The following ROBO2 variants were observed in gnomAD, a reference collection of about 807,000 sequenced individuals.
ROBO2 encodes roundabout guidance receptor 2.
ROBO2 carries 53 observed loss-of-function variants against 160.8 expected under a neutral mutation model. The observed-to-expected ratio is 0.33, with a 90% CI of 0.26 to 0.41. The LOEUF is 0.41. Ranked by LOEUF, ROBO2 falls within the 10% of genes least tolerant of loss-of-function variation. The pLI, the probability that ROBO2 is intolerant of heterozygous loss-of-function variation, is 1.00. For missense variants in ROBO2, 1,577 were observed against 1,722.4 expected (o/e 0.92, Z 1.49); for synonymous variants, 664 against 611.7 (o/e 1.09, Z -1.26).
intron 2 of ROBO2, among the ~76,000 whole-genome samples, chr3:77,332,824 GTTAATA>G (rs1338063146): frequency 1.3e-5 from 2 of 152,156 alleles, no homozygotes; most frequent in Non-Finnish European, 2.9e-5. Context: ...AGTTGCTGCT[GTTAATA>G]TTAATGTTAG....
chr3:77,382,360 T>A (rs200067823), intron 2 of ROBO2, among the ~76,000 whole-genome samples: 19 of 58,672 alleles, frequency 3.2e-4, no homozygotes, highest in African/African-American at 7.4e-4. Context: ...TTTTTTTTTT[T>A]TTAAAAAGTC....
intron 2 of ROBO2, among the ~76,000 whole-genome samples, chr3:76,088,949 G>C (rs903497851): frequency 6.6e-6 from 1 of 151,928 alleles, no homozygotes; most frequent in Non-Finnish European, 1.5e-5. Context: ...GATCGGAGTG[G>C]AAGAGAGAGA....
intron 2 of ROBO2, among the ~76,000 whole-genome samples, chr3:76,037,682 C>T (rs943654509): frequency 1.3e-5 from 2 of 151,896 alleles, no homozygotes; most frequent in African/African-American, 2.4e-5. Flanking sequence ...ATAATCTGTT[C>T]CCCTGCCCCC....
intron 2 of ROBO2, among the ~76,000 whole-genome samples, chr3:77,160,733 C>T (rs909717236): frequency 6.6e-6 from 1 of 152,126 alleles, no homozygotes; most frequent in African/African-American, 2.4e-5. Context: ...AGTTTTAGTA[C>T]CGCTACTTTA....
At chr3:77,262,078 A>G (rs1465162085) in intron 2 of ROBO2, among the ~76,000 whole-genome samples, 1 of 152,220 alleles carries the variant, frequency 6.6e-6, no homozygotes, top group Non-Finnish European at 1.5e-5. Context: ...TCAAATTTGT[A>G]CATTCTATTT....
chr3:76,003,671 G>A (rs950341863), intron 2 of ROBO2, among the ~76,000 whole-genome samples: 1 of 152,200 alleles, frequency 6.6e-6, no homozygotes, highest in Non-Finnish European at 1.5e-5. Context: ...AGATGGGGCA[G>A]CCCAAGGATG....
At chr3:76,296,443 G>A (rs1208426827) in intron 2 of ROBO2, among the ~76,000 whole-genome samples, 2 of 152,236 alleles carry the variant, frequency 1.3e-5, no homozygotes, top group East Asian at 1.9e-4. Flanking sequence ...TTCTCCATGA[G>A]TACAGATGAG....
At position 77,433,357 on chromosome 3, in the gene ROBO2, T is replaced by G. The variant is rs139635956; in HGVS notation, c.389-44057T>G. Among the ~76,000 whole-genome samples the G allele has an allele frequency of 5.8e-3, 879 of 151,434 alleles. 11 individuals carry two copies. Among genetic ancestry groups the G allele is most frequent in the African/African-American group, 0.02 (831 of 41,272 alleles). On this transcript the variant is annotated intron_variant, in intron 2 of 25. Transcript: ENST00000461745. ...CCATCCGTCCTAAACTGTTCTGTAT[T>G]GTGTTCTATTATTCTATGTTATGCT...
intron 2 of ROBO2, among the ~76,000 whole-genome samples, chr3:76,765,999 T>G (rs1002763681): frequency 1.3e-5 from 2 of 151,750 alleles, no homozygotes; most frequent in African/African-American, 4.8e-5. Context: ...TTTTTAGATC[T>G]CAATTAATCA....
chr3:76,362,904 G>A (rs576761716), intron 2 of ROBO2, among the ~76,000 whole-genome samples: 16 of 152,150 alleles, frequency 1.1e-4, no homozygotes, highest in African/African-American at 3.6e-4. Flanking sequence ...ACTCACTTGT[G>A]TATGCTGATT....
intron 2 of ROBO2, among the ~76,000 whole-genome samples, chr3:76,622,302 GAAA>G (rs1458426349): frequency 7.4e-6 from 1 of 134,680 alleles, no homozygotes; most frequent in Non-Finnish European, 1.6e-5. Context: ...AAGAAAGAAA[GAAA>G]GAAAGAAAAC....
intron 2 of ROBO2, among the ~76,000 whole-genome samples, chr3:76,094,792 A>G (rs2069373476): frequency 1.3e-5 from 2 of 152,212 alleles, no homozygotes; most frequent in African/African-American, 4.8e-5. Flanking sequence ...CAATATGTTT[A>G]CAGGATAGAA....
chr3:76,849,097 G>GA (rs2069068899), intron 2 of ROBO2, among the ~76,000 whole-genome samples: 1 of 151,998 alleles, frequency 6.6e-6, no homozygotes, highest in Non-Finnish European at 1.5e-5. Flanking sequence ...GTAGAATTTT[G>GA]AAAAAGATAT....
chr3:77,645,969 C>T (rs2095409355), intron 25 of ROBO2, 85 bp from the exon 28 acceptor site: 1 of 905,372 alleles, frequency 1.1e-6, no homozygotes. Flanking sequence ...CATTGATTAT[C>T]TGTTGGCTTT....
chr3:77,232,012 T>C (rs1197345140), intron 2 of ROBO2, among the ~76,000 whole-genome samples: 1 of 152,188 alleles, frequency 6.6e-6, no homozygotes, highest in Admixed American at 6.5e-5. Flanking sequence ...CACTCTAGGT[T>C]CTCTTCCTAT....
intron 1 of ROBO2, among the ~76,000 whole-genome samples, chr3:77,075,703 A>T (rs867539503): frequency 5.7e-5 from 5 of 87,488 alleles, no homozygotes; most frequent in South Asian, 4.1e-4. Flanking sequence ...TTTGAGATGG[A>T]GTCTTGCTCG....
intron 2 of ROBO2, among the ~76,000 whole-genome samples, chr3:76,216,675 C>G (rs1169634523): frequency 2.0e-5 from 3 of 152,098 alleles, no homozygotes; most frequent in Admixed American, 1.3e-4. Flanking sequence ...CCTTAGAGAC[C>G]TACAAAGAGA....
At chr3:77,065,417 G>A (rs1013194238) in intron 1 of ROBO2, among the ~76,000 whole-genome samples, 1 of 152,028 alleles carries the variant, frequency 6.6e-6, no homozygotes, top group Non-Finnish European at 1.5e-5. Flanking sequence ...ATATCCTATT[G>A]TTTCTCTTTG....
At chr3:76,545,310 G>A (rs958928760) in intron 2 of ROBO2, among the ~76,000 whole-genome samples, 1 of 151,936 alleles carries the variant, frequency 6.6e-6, no homozygotes, top group African/African-American at 2.4e-5. Context: ...GGACAATCAA[G>A]TCCTGAATTA....
Sources: allele counts gnomAD v4.1 joint callset (sites outside exome capture counted in the v4.1 genomes callset), GRCh38; gene constraint gnomAD v4.1.1; transcripts MANE v1.5; gene names NCBI Gene and HGNC (gene_info 2026-07-23, HGNC 2026-07-21).